The following SCARA5 variants were observed in gnomAD, a reference collection of about 807,000 sequenced individuals.
SCARA5 encodes scavenger receptor class A member 5.
Under a neutral mutation model 46.3 loss-of-function variants are expected in SCARA5, and 45 were observed. The ratio of observed to expected loss-of-function variants is 0.97; its 90% CI spans 0.76 to 1.24. The LOEUF (loss-of-function observed/expected upper bound fraction) is 1.24, where lower values mean the gene tolerates loss of function less well. Among genes scored for constraint, SCARA5 ranks in the 50% most tolerant of loss-of-function variants. The probability of loss-of-function intolerance (pLI) is 0.00; values close to 1 mark genes in which losing one functional copy is unlikely to be tolerated. For synonymous variants in SCARA5, 333 were observed against 306.5 expected, an observed-to-expected ratio of 1.09 and a Z score of -0.90; for missense variants, 680 against 689.0, an observed-to-expected ratio of 0.99 and a Z score of 0.15.
Position 27,894,710 on chromosome 8 carries a change from T to C in SCARA5, c.1153+10068A>G, listed in dbSNP as rs547347816. On this transcript the variant is annotated intron_variant, in intron 7 of 8. Transcript: ENST00000354914. ...GGCTTCCCTGATTGTGGCCCCAGCATGTGCTCTCCACTAATGAGAAATCCT... is the reference window on the plus strand; with the variant it reads ...GGCTTCCCTGATTGTGGCCCCAGCACGTGCTCTCCACTAATGAGAAATCCT... Among the ~76,000 whole-genome samples, 6 of 152,304 alleles carry C rather than the reference T, an allele frequency of 3.9e-5. No individual in the cohort carries two copies. The East Asian group carries it at 9.6e-4, about 24-fold the overall frequency.
chr8:27,895,342 G>A (rs1003898380), intron 7 of SCARA5, among the ~76,000 whole-genome samples: 8 of 152,162 alleles, frequency 5.3e-5, no homozygotes, highest in Non-Finnish European at 8.8e-5. Flanking sequence ...GACACTGCTC[G>A]GCAGGAAATG....
intron 7 of SCARA5, among the ~76,000 whole-genome samples, chr8:27,885,275 C>T (rs1301610036): frequency 1.6e-4 from 25 of 152,142 alleles, no homozygotes; most frequent in Admixed American, 1.6e-3. Flanking sequence ...CGTGGACTCC[C>T]CCACCTCAGA....
chr8:27,945,532 G>A (rs1033628185), intron 3 of SCARA5, among the ~76,000 whole-genome samples: 9 of 152,182 alleles, frequency 5.9e-5, no homozygotes, highest in African/African-American at 1.9e-4. Context: ...CAACAAACAT[G>A]TCATCCGGGA....
chr8:27,905,523 T>TGGCGGGGTGGG (rs751627046), intron 6 of SCARA5, among the ~76,000 whole-genome samples: 1 of 53,694 alleles, frequency 1.9e-5, no homozygotes, highest in African/African-American at 5.0e-5. Flanking sequence ...ATCCAAGATT[T>TGGCGGGGTGGG]GGGGGGGGGA....
chr8:27,891,273 T>C (rs560208439), intron 7 of SCARA5, among the ~76,000 whole-genome samples: 174 of 151,338 alleles, frequency 1.1e-3, no homozygotes, highest in Middle Eastern at 6.8e-3. Flanking sequence ...TGGCACAATC[T>C]CGGCTCACTG....
In SCARA5 at chr8:27,980,497, A is replaced by G. The variant is rs544452365; in HGVS notation, c.112+7007T>C. ...GCCCCCATCCCTAGAGTAATGCCAC[A>G]CAGGAGATGGCATGGCCTAGGGCTG... On this transcript the variant is annotated intron_variant, in intron 2 of 8. Transcript: ENST00000354914. Among the ~76,000 whole-genome samples the G allele has an allele frequency of 2.6e-3, 391 of 152,236 alleles. 3 individuals carry two copies. Among genetic ancestry groups the G allele is most frequent in the African/African-American group, 8.9e-3 (370 of 41,548 alleles).
intron 7 of SCARA5, chr8:27,904,410 G>C (rs886686521): frequency 6.9e-6 from 3 of 437,854 alleles, no homozygotes; most frequent in Non-Finnish European, 1.2e-5. Flanking sequence ...ACTTTACACA[G>C]ATTAACTCAT....
chr8:27,907,572 C>CTTTTGTTTTTTTTGTTTT, intron 5 of SCARA5, among the ~76,000 whole-genome samples: 1 of 97,272 alleles, frequency 1.0e-5, no homozygotes, highest in Admixed American at 1.1e-4. Flanking sequence ...TCAGCAAACA[C>CTTTTGTTTTTTTTGTTTT]TTTTTTTTTT....
intron 2 of SCARA5, among the ~76,000 whole-genome samples, chr8:27,987,040 G>A (rs1808715323): frequency 1.3e-5 from 2 of 152,354 alleles, no homozygotes; most frequent in African/African-American, 4.8e-5. Context: ...ACCCCTTTCT[G>A]TGGCAAGACC....
chr8:27,976,568 T>C (rs952338011), intron 2 of SCARA5, among the ~76,000 whole-genome samples: 1 of 152,142 alleles, frequency 6.6e-6, no homozygotes, highest in Non-Finnish European at 1.5e-5. Flanking sequence ...CCACTTTGGT[T>C]TGATGAACTG....
chr8:27,987,735 C>A, intron 1 of SCARA5, 105 bp from the exon 2 acceptor site: 2 of 684,188 alleles, frequency 2.9e-6, no homozygotes, highest in South Asian at 3.4e-5. Flanking sequence ...ACAAGGTGCC[C>A]ACCCCTGACC....
In SCARA5 at chr8:27,910,043, C is replaced by T. The variant is rs996045350; in HGVS notation, c.917-300G>A. 17 of 286,034 alleles carry T rather than the reference C, an allele frequency of 5.9e-5. No homozygotes were observed. The Admixed American group carries it at 7.5e-4, about 13-fold the overall frequency. 17.7% of individuals were successfully genotyped at this position (286,034 alleles called of 1,614,324 possible). ...CCTCCCAAAACCATATGTGGAATCC[C>T]TAATCCCCAATGTGACAGTTTTAAG... On this transcript the variant is annotated intron_variant, in intron 4 of 8. Transcript: ENST00000354914.
chr8:27,960,068 CAA>C (rs1415918730), intron 3 of SCARA5, among the ~76,000 whole-genome samples: 1 of 152,178 alleles, frequency 6.6e-6, no homozygotes, highest in Non-Finnish European at 1.5e-5. Context: ...TGTTTATAGA[CAA>C]AGTTACTGGG....
intron 2 of SCARA5, among the ~76,000 whole-genome samples, chr8:27,972,595 T>C (rs1808464417): frequency 6.6e-6 from 1 of 152,190 alleles, no homozygotes; most frequent in Non-Finnish European, 1.5e-5. Flanking sequence ...GGCCAGGCAG[T>C]GGCTCATGAC....
At chr8:27,979,484 A>G (rs1808581874) in intron 2 of SCARA5, among the ~76,000 whole-genome samples, 1 of 151,852 alleles carries the variant, frequency 6.6e-6, no homozygotes, top group Non-Finnish European at 1.5e-5. Context: ...GAGCTTGTTC[A>G]AGTTTTCCCA....
chr8:27,899,862 G>T (rs1331539810), intron 7 of SCARA5, among the ~76,000 whole-genome samples: 2 of 152,176 alleles, frequency 1.3e-5, no homozygotes, highest in African/African-American at 2.4e-5. Flanking sequence ...GGGTCAGCTG[G>T]CACGGTGGCT....
chr8:27,879,636 G>A lies in SCARA5; in HGVS notation c.1284C>T (p.Asp428=), dbSNP rs1585459576. 2 of 1,612,374 alleles carry A rather than the reference G, an allele frequency of 1.2e-6. No individual in the cohort carries two copies. The highest frequency in any genetic ancestry group is 1.3e-5 in the African/African-American group (1 of 75,040). The change falls in exon 8 of 9, where the codon GAC becomes GAT. Residue 428 remains aspartate, a synonymous_variant. Transcript: ENST00000354914. ...GGAAGCCGAGCATGCGGCACACCAC[G>A]TCTCCGTCCTTCTTGTCCCAGCCGT... ...CDDGWDKKDG[D]VVCRMLGFRG...
chr8:27,972,351 C>CA (rs1011317773), intron 2 of SCARA5, among the ~76,000 whole-genome samples: 73 of 146,126 alleles, frequency 5.0e-4, no homozygotes, highest in Middle Eastern at 7.0e-3. Context: ...AAAAACAAAA[C>CA]AAAAAAAAAC....
chr8:27,889,314 T>C (rs755312165), intron 7 of SCARA5, among the ~76,000 whole-genome samples: 4 of 152,188 alleles, frequency 2.6e-5, no homozygotes, highest in Non-Finnish European at 5.9e-5. Context: ...TGGAGTGATT[T>C]TTCGGTAATT....
Sources: allele counts gnomAD v4.1 joint callset (sites outside exome capture counted in the v4.1 genomes callset), GRCh38; gene constraint gnomAD v4.1.1; transcripts MANE v1.5; gene names NCBI Gene and HGNC (gene_info 2026-07-23, HGNC 2026-07-21).